GRID2IP: variants seen among roughly 807,000 people sequenced by gnomAD.
GRID2IP encodes Grid2 interacting protein, also known as delphilin.
A neutral mutation model predicts 114.3 loss-of-function variants in GRID2IP; 78 were observed. That is an observed-to-expected ratio of 0.68 (90% confidence interval 0.57 to 0.82). The LOEUF (loss-of-function observed/expected upper bound fraction) is 0.82, where lower values mean the gene tolerates loss of function less well. Ranked by LOEUF, GRID2IP falls within the 40% of genes least tolerant of loss-of-function variation. The pLI is 0.00. For missense variants in GRID2IP, 1,727 were observed against 1,678.5 expected (o/e 1.03, Z -0.51); for synonymous variants, 809 against 724.0 (o/e 1.12, Z -1.89).
In GRID2IP at chr7:6,520,559, G is replaced by A. The variant is rs769443483; in HGVS notation, c.1268+19C>T. On this transcript the variant is annotated intron_variant, in intron 7 of 21. Transcript: ENST00000457091. This position sits in a 1 kb window ranked among gnomAD's most constrained non-coding sequence, Gnocchi z 4.6. ...GGCCCACCCAGGGCAGGGCCCCACCGCGGCTTTGGCCCGGCCACCTGTGCT... is the reference window on the plus strand; with the variant it reads ...GGCCCACCCAGGGCAGGGCCCCACCACGGCTTTGGCCCGGCCACCTGTGCT... 5.0e-5 allele frequency: 77 copies of A among 1,546,270 alleles called. No individual in the cohort carries two copies. Among genetic ancestry groups the A allele is most frequent in the Non-Finnish European group, 5.9e-5 (67 of 1,143,388 alleles).
Position 6,536,688 on chromosome 7 carries a change from C to A in GRID2IP, c.584+3030G>T, listed in dbSNP as rs899684751. 30 of 649,274 alleles carry A rather than the reference C, an allele frequency of 4.6e-5. No individual in the cohort carries two copies. Among genetic ancestry groups the A allele is most frequent in the Non-Finnish European group, 1.7e-5 (6 of 352,336 alleles). 40.2% of individuals were successfully genotyped at this position (649,274 alleles called of 1,614,324 possible). On this transcript the variant is annotated intron_variant, in intron 2 of 21. Transcript: ENST00000457091. This position sits in a 1 kb window ranked among gnomAD's most constrained non-coding sequence, Gnocchi z 5.3. Reference sequence around the variant, plus strand: ...CCATCCCTGGTGGGGAGGGGCGGGACGGGGGGCTGCCTGTCAATCAGCTCC... The same window carrying A: ...CCATCCCTGGTGGGGAGGGGCGGGAAGGGGGGCTGCCTGTCAATCAGCTCC...
At chr7:6,505,729 G>A (rs1488106751) in intron 14 of GRID2IP, 91 bp downstream of exon 14, 3 of 786,264 alleles carry the variant, frequency 3.8e-6, no homozygotes, top group Admixed American at 4.5e-5. Context: ...AGGTTAAATA[G>A]TAGTCAGTGC....
At position 6,508,301 on chromosome 7, in the gene GRID2IP, G is replaced by C. The variant is rs1161236078; in HGVS notation, c.2228C>G (p.Ser743Cys). ...TGGGGGGATGTGGTCAGAGATGGAG[G>C]AGTAGGTCAGGGAGCTGCCTTCTTC... The part of the protein sequence containing the change: ...SSEEGSSLTY[S>C]SISDHIPPPP... Residue 743 changes from serine to cysteine, a missense_variant, in exon 13 of 22, where the codon TCC becomes TGC. Coordinates refer to ENST00000457091, the MANE Select transcript of GRID2IP (RefSeq NM_001145118.2). The surrounding 1 kb of genome is among the most constrained non-coding windows in gnomAD (Gnocchi z 5.6). 10 of 1,549,978 alleles carry C rather than the reference G, an allele frequency of 6.5e-6. No homozygotes were observed. The highest frequency in any genetic ancestry group is 8.7e-6 in the Non-Finnish European group (10 of 1,146,810).
chr7:6,503,456 G>C (rs1786475390), intron 16 of GRID2IP, 35 bp downstream of exon 16: 1 of 1,485,130 alleles, frequency 6.7e-7, no homozygotes. Context: ...TGTGGAGCCG[G>C]CCGAGGCCTC....
At position 6,510,266 on chromosome 7, in the gene GRID2IP, AGAGG is replaced by A; in HGVS notation, c.1771+13_1771+16del. The stretch of plus-strand genomic sequence containing the variant: ...GGGAAACACCCAGACAGTAGATGAC[AGAGG>A]CTGGAGCCCTACCTGTGGTGACTGC... On this transcript the variant is annotated intron_variant, in intron 11 of 21. Coordinates refer to ENST00000457091, the MANE Select transcript of GRID2IP (RefSeq NM_001145118.2). 1 of 1,490,752 alleles carries A rather than the reference AGAGG, an allele frequency of 6.7e-7. No homozygotes were observed. Among genetic ancestry groups the A allele is most frequent in the Non-Finnish European group, 9.1e-7 (1 of 1,099,772 alleles). The allele number at this position is 1,490,752 out of a possible 1,614,324, so 92.3% of individuals were successfully genotyped here.
chr7:6,543,945 T>C (rs1779848874), intron 1 of GRID2IP, among the ~76,000 whole-genome samples: 1 of 151,818 alleles, frequency 6.6e-6, no homozygotes, highest in Non-Finnish European at 1.5e-5. Flanking sequence ...TATAGGCAAA[T>C]GCCACCACGC....
At chr7:6,502,966 C>A in intron 17 of GRID2IP, 42 bp downstream of exon 17, 1 of 1,550,560 alleles carries the variant, frequency 6.4e-7, no homozygotes, top group Non-Finnish European at 8.7e-7. Flanking sequence ...CCCCAGGAGG[C>A]AGAGAAGCAG....
intron 1 of GRID2IP, among the ~76,000 whole-genome samples, chr7:6,547,638 T>A (rs890620558): frequency 1.3e-5 from 2 of 152,150 alleles, no homozygotes; most frequent in Admixed American, 6.6e-5. Context: ...CTTTGGAAGA[T>A]CTGGACTTTG....
At chr7:6,538,486 G>A (rs1320739956) in intron 2 of GRID2IP, among the ~76,000 whole-genome samples, 1 of 151,952 alleles carries the variant, frequency 6.6e-6, no homozygotes, top group Non-Finnish European at 1.5e-5. Flanking sequence ...TGAATCACTT[G>A]AGGTCAGGAG....
At chr7:6,539,495 A>C (rs771009342) in intron 2 of GRID2IP, among the ~76,000 whole-genome samples, 1 of 152,036 alleles carries the variant, frequency 6.6e-6, no homozygotes, top group Non-Finnish European at 1.5e-5. Flanking sequence ...CCCATCACTC[A>C]AGGTGGTACC....
chr7:6,502,076 G>C lies in GRID2IP; in HGVS notation c.3193C>G (p.His1065Asp). The change falls in exon 19 of 22, where the codon CAC (histidine) becomes GAC (aspartate). Residue 1065 changes from histidine to aspartate, a missense_variant. Physicochemically the swap from His to Asp is moderately conservative, Grantham distance 81. Transcript: ENST00000457091. ...TGGCTCAGCGATTTGGCAAGGATGT[G>C]CAGGAAGGTGGACTTCCCATCCACT... is the stretch of plus-strand genomic sequence containing the variant. ...KTVDGKSTFL[H>D]ILAKSLSQHF... 1 of 1,551,348 alleles carries C rather than the reference G, an allele frequency of 6.4e-7. No individual in the cohort carries two copies. The highest frequency in any genetic ancestry group is 1.2e-5 in the South Asian group (1 of 84,038).
At chr7:6,550,464 A>G (rs904544964) in intron 1 of GRID2IP, among the ~76,000 whole-genome samples, 3 of 152,042 alleles carry the variant, frequency 2.0e-5, no homozygotes, top group Non-Finnish European at 2.9e-5. Context: ...TGCACACTTA[A>G]TGCACTTTAC....
rs767438140 is a variant in GRID2IP at position 6,503,615 on chromosome 7, C to T, written c.2783G>A (p.Arg928His). ...CTGCGCGAGATGTGCGGGCTCCAGGCGCCGGGGCTCCATGCTCATCAGCAC... is the reference window on the plus strand; with the variant it reads ...CTGCGCGAGATGTGCGGGCTCCAGGTGCCGGGGCTCCATGCTCATCAGCAC... ...RQVLMSMEPR[R>H]LEPAHLAQLL... The change falls in exon 16 of 22, where the codon CGC becomes CAC. Residue 928 changes from arginine to histidine, a missense_variant. Physicochemically the swap from Arg to His is conservative, Grantham distance 29. Transcript: ENST00000457091. 1.3e-6 allele frequency: 2 copies of T among 1,528,854 alleles called. No homozygotes were observed. The highest frequency in any genetic ancestry group is 1.7e-6 in the Non-Finnish European group (2 of 1,144,250). 94.7% of individuals were successfully genotyped at this position (1,528,854 alleles called of 1,614,324 possible).
At position 6,507,439 on chromosome 7, in the gene GRID2IP, A is replaced by G. The variant is rs1409936574; in HGVS notation, c.2544+546T>C. On this transcript the variant is annotated intron_variant, in intron 13 of 21. Coordinates refer to ENST00000457091, the MANE Select transcript of GRID2IP (RefSeq NM_001145118.2). This position sits in a 1 kb window ranked among gnomAD's most constrained non-coding sequence, Gnocchi z 5.3. ...ATCTTGCAGATTGGTTGGTCTGTGG[A>G]TAAGATTGCTCTGCCCGATTTTAAG... Among the ~76,000 whole-genome samples, 2 of 151,752 alleles carry G rather than the reference A, an allele frequency of 1.3e-5. No homozygotes were observed. Among genetic ancestry groups the G allele is most frequent in the Admixed American group, 6.6e-5 (1 of 15,238 alleles).
intron 1 of GRID2IP, among the ~76,000 whole-genome samples, chr7:6,548,307 C>T (rs899015899): frequency 2.0e-5 from 3 of 151,252 alleles, no homozygotes; most frequent in Non-Finnish European, 2.9e-5. Flanking sequence ...GAGCCGAGAT[C>T]GTACCACTGT....
chr7:6,539,362 A>G (rs530843753), intron 2 of GRID2IP, among the ~76,000 whole-genome samples: 4 of 152,160 alleles, frequency 2.6e-5, no homozygotes, highest in African/African-American at 9.6e-5. Context: ...CCTGGCCTCA[A>G]GCGGTTCTCC....
rs963660337 is a variant in GRID2IP at position 6,516,019 on chromosome 7, C to T, written c.1269-1490G>A. On this transcript the variant is annotated intron_variant, in intron 7 of 21. Transcript: ENST00000457091. The surrounding 1 kb of genome is among the most constrained non-coding windows in gnomAD (Gnocchi z 4.3). Reference sequence around the variant, plus strand: ...GGCTGAGGCAGCAGAATCGCTTGAACCCGGGAGGTGGAGGTTGCAGTGAGC... The same window carrying T: ...GGCTGAGGCAGCAGAATCGCTTGAATCCGGGAGGTGGAGGTTGCAGTGAGC... 6.6e-6 allele frequency among the ~76,000 whole-genome samples: 1 copy of T among 151,728 alleles called. No individual in the cohort carries two copies. The highest frequency in any genetic ancestry group is 1.5e-5 in the Non-Finnish European group (1 of 67,938).
chr7:6,502,189 C>T lies in GRID2IP; in HGVS notation c.3151-71G>A, dbSNP rs566457998. 3.2e-5 allele frequency: 44 copies of T among 1,388,040 alleles called. No individual in the cohort carries two copies. In the Admixed American group the frequency reaches 3.7e-4, roughly 12 times the overall value. 86.0% of individuals were successfully genotyped at this position (1,388,040 alleles called of 1,614,324 possible). A position where few individuals can be genotyped will look rare whatever the true frequency, so the allele number is the denominator to read the frequency against. On this transcript the variant is annotated intron_variant, in intron 18 of 21. Coordinates refer to ENST00000457091, the MANE Select transcript of GRID2IP (RefSeq NM_001145118.2). Reference sequence around the variant, plus strand: ...ATGGGGTCACATGGGCCCAGCTTCTCCTGGACTACTGTGGCATCAATGATG... The same window carrying T: ...ATGGGGTCACATGGGCCCAGCTTCTTCTGGACTACTGTGGCATCAATGATG...
chr7:6,539,600 G>T, intron 2 of GRID2IP, 118 bp downstream of exon 2: 1 of 959,570 alleles, frequency 1.0e-6, no homozygotes, highest in Non-Finnish European at 1.5e-6. Flanking sequence ...TTCAAGAGCA[G>T]GCTACCATCT....
Sources: allele counts gnomAD v4.1 joint callset (sites outside exome capture counted in the v4.1 genomes callset), GRCh38; gene constraint gnomAD v4.1.1; non-coding constraint Gnocchi (gnomAD v3.1); transcripts MANE v1.5; gene names NCBI Gene and HGNC (gene_info 2026-07-23, HGNC 2026-07-21).